The following FRMPD2 variants were observed in gnomAD, a reference collection of about 807,000 sequenced individuals.
FRMPD2 encodes the protein FERM and PDZ domain containing 2, also known as FERM and PDZ domain-containing protein 2.
Under a neutral mutation model 140.1 loss-of-function variants are expected in FRMPD2, and 96 were observed. The ratio of observed to expected loss-of-function variants is 0.69; its 90% CI spans 0.58 to 0.81. FRMPD2 has a LOEUF of 0.81. Among genes scored for constraint, FRMPD2 ranks in the 40% least tolerant of loss-of-function variants. The pLI, the probability that FRMPD2 is intolerant of heterozygous loss-of-function variation, is 0.00. For missense variants in FRMPD2, 1,240 were observed against 1,447.4 expected (o/e 0.86, Z 2.32); for synonymous variants, 449 against 547.6 (o/e 0.82, Z 2.52).
Position 48,244,771 on chromosome 10 carries a change from CT to C in FRMPD2, c.375+12del. 1 of 1,607,486 alleles carries C rather than the reference CT, an allele frequency of 6.2e-7. No homozygotes were observed. The highest frequency in any genetic ancestry group is 1.1e-5 in the South Asian group (1 of 90,950). On this transcript the variant is annotated intron_variant, in intron 4 of 28. Coordinates refer to ENST00000374201, the MANE Select transcript of FRMPD2 (RefSeq NM_001018071.4). ...CACAGCCCGGCAAGACTTGGAGTAT[CT>C]TGTTTACAAACCTGATGTGGCGGAA...
intron 12 of FRMPD2, among the ~76,000 whole-genome samples, chr10:48,220,243 T>C (rs1439690148): frequency 1.3e-5 from 2 of 152,178 alleles, no homozygotes; most frequent in African/African-American, 2.4e-5. Flanking sequence ...AATAGGCATA[T>C]AGACCAATGG....
intron 1 of FRMPD2, among the ~76,000 whole-genome samples, chr10:48,260,277 G>C (rs937757764): frequency 1.3e-5 from 2 of 151,998 alleles, no homozygotes; most frequent in African/African-American, 4.8e-5. Flanking sequence ...TTTACAATCT[G>C]CTATCTACAA....
chr10:48,225,388 AGCACAAGGACAGCCAGCC>A (rs1228347174), intron 10 of FRMPD2, among the ~76,000 whole-genome samples: 3 of 152,220 alleles, frequency 2.0e-5, no homozygotes, highest in Non-Finnish European at 4.4e-5. Context: ...GATAGCCAGC[AGCACAAGGACAGCCAGCC>A]GCACAAGGAC....
At chr10:48,267,479 A>C (rs1269972584) in intron 1 of FRMPD2, among the ~76,000 whole-genome samples, 1 of 152,234 alleles carries the variant, frequency 6.6e-6, no homozygotes, top group Non-Finnish European at 1.5e-5. Flanking sequence ...AACAGACATC[A>C]AAAGACATTT....
At chr10:48,186,632 A>T (rs1838695199) in intron 17 of FRMPD2, among the ~76,000 whole-genome samples, 2 of 152,154 alleles carry the variant, frequency 1.3e-5, no homozygotes, top group African/African-American at 4.8e-5. Flanking sequence ...GCCATGTGGA[A>T]CTGTAAGTCC....
rs530182525 is a variant in FRMPD2, at chr10:48,266,100, C to T, written c.25+8443G>A. 2.0e-5 allele frequency among the ~76,000 whole-genome samples: 3 copies of T among 152,214 alleles called. 1 individual carries two copies. The South Asian group carries it at 6.2e-4, about 32-fold the overall frequency. On this transcript the variant is annotated intron_variant, in intron 1 of 28. Coordinates refer to ENST00000374201, the MANE Select transcript of FRMPD2 (RefSeq NM_001018071.4). ...TGGAGCAGGAGACCATTATCCTTAG[C>T]AAACTAACACAGGAACAGAAAATCA...
chr10:48,242,538 G>T (rs528268560), intron 4 of FRMPD2, among the ~76,000 whole-genome samples, 186 bp from the exon 5 acceptor site: 7 of 152,370 alleles, frequency 4.6e-5, no homozygotes, highest in Non-Finnish European at 7.3e-5. Context: ...GCAAAGTGCG[G>T]AGCAATCATC....
chr10:48,159,335 A>T, intron 28 of FRMPD2: 4 of 442,074 alleles, frequency 9.0e-6, no homozygotes, highest in South Asian at 6.4e-5. Flanking sequence ...TTGTCACAGT[A>T]GTGTGGACAG....
intron 13 of FRMPD2, among the ~76,000 whole-genome samples, chr10:48,208,242 T>C (rs1341099575): frequency 6.6e-6 from 1 of 152,222 alleles, no homozygotes; most frequent in African/African-American, 2.4e-5. Context: ...AAATTAAGCA[T>C]TAATAAGTAG....
At chr10:48,186,507 C>T (rs2165073) in intron 17 of FRMPD2, among the ~76,000 whole-genome samples, 153 of 152,290 alleles carry the variant, frequency 1.0e-3, no homozygotes, top group African/African-American at 3.4e-3. Context: ...ATAAGTCTCA[C>T]GAGATCTGAT....
chr10:48,190,419 G>A (rs1249996041), intron 16 of FRMPD2, among the ~76,000 whole-genome samples: 7 of 152,164 alleles, frequency 4.6e-5, no homozygotes, highest in Non-Finnish European at 1.0e-4. Flanking sequence ...GCAGTTCTAG[G>A]AGGCCTCTGC....
At chr10:48,273,841 C>A (rs1000547690) in intron 1 of FRMPD2, among the ~76,000 whole-genome samples, 10 of 151,566 alleles carry the variant, frequency 6.6e-5, no homozygotes, top group Non-Finnish European at 1.0e-4. Flanking sequence ...AGGATTTAGC[C>A]AGGAGAAATA....
chr10:48,174,158 G>C (rs1838342722), intron 24 of FRMPD2, among the ~76,000 whole-genome samples: 1 of 152,110 alleles, frequency 6.6e-6, no homozygotes. Flanking sequence ...CCCCAAGCTT[G>C]CTGGAAGGGC....
intron 5 of FRMPD2, among the ~76,000 whole-genome samples, chr10:48,241,723 C>T (rs1304698352): frequency 2.6e-5 from 4 of 152,216 alleles, no homozygotes; most frequent in Admixed American, 2.6e-4. Context: ...CAACAAAGGA[C>T]ACCCCACAGG....
intron 5 of FRMPD2, 98 bp downstream of exon 5, chr10:48,242,063 T>C: frequency 2.3e-6 from 2 of 879,824 alleles, no homozygotes; most frequent in South Asian, 2.3e-5. Flanking sequence ...AATTTAATTT[T>C]TTATTTTATT....
At chr10:48,261,912 A>G (rs1437218215) in intron 1 of FRMPD2, among the ~76,000 whole-genome samples, 1 of 152,180 alleles carries the variant, frequency 6.6e-6, no homozygotes, top group Non-Finnish European at 1.5e-5. Flanking sequence ...AATTTGTTGT[A>G]AATGTATACT....
At chr10:48,183,803 G>A (rs1484803804) in intron 20 of FRMPD2, among the ~76,000 whole-genome samples, 1 of 134,656 alleles carries the variant, frequency 7.4e-6, no homozygotes, top group Non-Finnish European at 1.5e-5. Flanking sequence ...AGAAAGCCAA[G>A]ATCGTGCCAT....
intron 1 of FRMPD2, among the ~76,000 whole-genome samples, chr10:48,254,256 C>A (rs992155982): frequency 3.3e-5 from 5 of 152,206 alleles, no homozygotes; most frequent in Admixed American, 1.3e-4. Context: ...CCATCCAGAG[C>A]TCTGAATTTC....
chr10:48,184,299 A>T (rs1036312260), intron 20 of FRMPD2, among the ~76,000 whole-genome samples: 1 of 152,160 alleles, frequency 6.6e-6, no homozygotes, highest in African/African-American at 2.4e-5. Flanking sequence ...TGACAGAAAA[A>T]AAAAGACTGG....
Sources: allele counts gnomAD v4.1 joint callset (sites outside exome capture counted in the v4.1 genomes callset), GRCh38; gene constraint gnomAD v4.1.1; transcripts MANE v1.5; gene names NCBI Gene and HGNC (gene_info 2026-07-23, HGNC 2026-07-21).